The following DMD variants were observed in gnomAD, a reference collection of about 807,000 sequenced individuals.
DMD encodes the protein dystrophin.
A neutral mutation model predicts 330.1 loss-of-function variants in DMD; 63 were observed. The observed-to-expected ratio is 0.19, with a 90% CI of 0.16 to 0.24. The LOEUF is 0.24. Ranked by LOEUF, DMD falls within the 10% of genes least tolerant of loss-of-function variation. The pLI is 1.00. For missense variants in DMD, 3,344 were observed against 2,684.1 expected (o/e 1.25, Z -5.43); for synonymous variants, 1,223 against 959.8 (o/e 1.27, Z -5.07).
chrX:31,158,087 G>A (rs778948930), intron 74 of DMD, among the ~76,000 whole-genome samples: 1 of 111,481 alleles, frequency 9.0e-6, no homozygotes, highest in Non-Finnish European at 1.9e-5. Flanking sequence ...TTACAGGTGT[G>A]AGCCACCATG....
intron 7 of DMD, among the ~76,000 whole-genome samples, chrX:32,798,395 C>T (rs951971716): frequency 8.9e-5 from 10 of 111,975 alleles, no homozygotes; most frequent in African/African-American, 3.2e-4. Flanking sequence ...CACTGGAATA[C>T]TCTCATGCCT....
At chrX:32,476,349 C>A in intron 21 of DMD, among the ~76,000 whole-genome samples, 1 of 111,174 alleles carries the variant, frequency 9.0e-6, no homozygotes, top group Admixed American at 9.6e-5. Context: ...CCTTGCATTC[C>A]AACCCTCATC....
At chrX:31,951,141 G>GTATATATATATA (rs1557025416) in intron 45 of DMD, among the ~76,000 whole-genome samples, 5 of 72,822 alleles carry the variant, frequency 6.9e-5, no homozygotes, top group African/African-American at 1.8e-4. Context: ...ATATATATAT[G>GTATATATATATA]TGTATATATA....
intron 44 of DMD, among the ~76,000 whole-genome samples, chrX:32,106,240 A>AT (rs2096563594): frequency 9.0e-6 from 1 of 111,676 alleles, no homozygotes; most frequent in Non-Finnish European, 1.9e-5. Flanking sequence ...CTGAAATAAT[A>AT]TTTTTTAAAA....
chrX:31,925,084 C>T (rs1471765537), intron 47 of DMD, among the ~76,000 whole-genome samples: 1 of 111,939 alleles, frequency 8.9e-6, no homozygotes, highest in Middle Eastern at 4.6e-3. Flanking sequence ...GTAAATGTTC[C>T]ACAGCAGAGA....
chrX:32,962,647 G>A (rs1405040736), intron 2 of DMD, among the ~76,000 whole-genome samples: 1 of 111,604 alleles, frequency 9.0e-6, no homozygotes, highest in Non-Finnish European at 1.9e-5. Context: ...ATATGGGAAG[G>A]TTGAAGAATT....
intron 17 of DMD, among the ~76,000 whole-genome samples, chrX:32,523,415 A>C (rs1386107561): frequency 9.0e-6 from 1 of 111,652 alleles, no homozygotes; most frequent in Non-Finnish European, 1.9e-5. Flanking sequence ...TATTTTGCCC[A>C]CCTTTCTCTC....
chrX:32,415,915 A>G (rs931731950), intron 29 of DMD, among the ~76,000 whole-genome samples: 12 of 112,514 alleles, frequency 1.1e-4, no homozygotes, highest in Middle Eastern at 9.3e-3. Flanking sequence ...AATATAAAAT[A>G]AGTTTAAGAA....
chrX:32,630,780 T>G (rs1386141490), intron 11 of DMD, among the ~76,000 whole-genome samples: 2 of 112,195 alleles, frequency 1.8e-5, no homozygotes, highest in Non-Finnish European at 3.8e-5. Context: ...TTTGGAATTC[T>G]CTGTCTGAAA....
At chrX:31,987,558 T>C (rs5971606) in intron 44 of DMD, among the ~76,000 whole-genome samples, 3,339 of 112,186 alleles carry the variant, frequency 0.03, 127 homozygotes, top group African/African-American at 0.1. Flanking sequence ...TTTGTCTTTC[T>C]GTGTTTGGCT....
chrX:32,599,338 T>C (rs998935955), intron 12 of DMD, among the ~76,000 whole-genome samples: 1 of 111,917 alleles, frequency 8.9e-6, no homozygotes, highest in African/African-American at 3.2e-5. Context: ...TCAATTGTTC[T>C]GCCAAACTAG....
intron 2 of DMD, among the ~76,000 whole-genome samples, chrX:33,003,467 G>A (rs1332539648): frequency 2.7e-5 from 3 of 111,690 alleles, no homozygotes; most frequent in African/African-American, 9.8e-5. Flanking sequence ...TATAACTTGA[G>A]ACATCTGATT....
At chrX:33,018,801 C>T (rs980799997) in intron 2 of DMD, among the ~76,000 whole-genome samples, 15 of 111,234 alleles carry the variant, frequency 1.3e-4, no homozygotes, top group East Asian at 2.8e-4. Flanking sequence ...TATAAATATT[C>T]GGAGAATTAT....
intron 2 of DMD, among the ~76,000 whole-genome samples, chrX:33,009,315 T>TGC: frequency 3.7e-5 from 2 of 54,156 alleles, no homozygotes; most frequent in African/African-American, 1.5e-4. Flanking sequence ...CACATGTGTG[T>TGC]ATATGTGTAT....
intron 61 of DMD, among the ~76,000 whole-genome samples, chrX:31,330,290 T>C (rs12842876): frequency 0.052 from 5,630 of 109,249 alleles, 146 homozygotes; most frequent in African/African-American, 0.089. Flanking sequence ...CAAATGGCGG[T>C]GGCAGTAGAA....
chrX:31,988,300 G>T (rs991672307), intron 44 of DMD, among the ~76,000 whole-genome samples: 1 of 107,871 alleles, frequency 9.3e-6, no homozygotes, highest in South Asian at 4.2e-4. Flanking sequence ...GTGAAACTCC[G>T]TCTCTACTAA....
At chrX:32,864,542 GCTC>G (rs1411350386) in intron 2 of DMD, among the ~76,000 whole-genome samples, 4 of 111,666 alleles carry the variant, frequency 3.6e-5, no homozygotes, top group African/African-American at 1.3e-4. Context: ...CAATAAAATT[GCTC>G]CTAATTGTAG....
intron 44 of DMD, among the ~76,000 whole-genome samples, chrX:32,063,543 A>G (rs746998408): frequency 2.4e-4 from 27 of 111,400 alleles, no homozygotes; most frequent in South Asian, 2.2e-3. Context: ...CACACTCCAA[A>G]AAGTCTAGAT....
At chrX:31,961,740 G>GTTTTTTTTTTTTTTTTTTTTT (rs59279553) in intron 45 of DMD, among the ~76,000 whole-genome samples, 1 of 75,638 alleles carries the variant, frequency 1.3e-5, no homozygotes, top group Admixed American at 1.5e-4. Flanking sequence ...AAAGGAAGCG[G>GTTTTTTTTTTTTTTTTTTTTT]TTTTTTTTTT....
Sources: allele counts gnomAD v4.1 joint callset (sites outside exome capture counted in the v4.1 genomes callset), GRCh38; gene constraint gnomAD v4.1.1; transcripts MANE v1.5; gene names NCBI Gene and HGNC (gene_info 2026-07-23, HGNC 2026-07-21).